PLCE1: variants seen among roughly 807,000 people sequenced by gnomAD.
PLCE1 encodes the protein phospholipase C epsilon 1.
Under a neutral mutation model 242.8 loss-of-function variants are expected in PLCE1, and 119 were observed. The observed-to-expected ratio is 0.49, with a 90% CI of 0.42 to 0.57. The LOEUF is 0.57. Ranked by LOEUF, PLCE1 falls within the 20% of genes least tolerant of loss-of-function variation. PLCE1 has a pLI of 0.00. For synonymous variants in PLCE1, 945 were observed against 1,017.4 expected, an observed-to-expected ratio of 0.93 and a Z score of 1.35; for missense variants, 2,441 against 2,788.8, an observed-to-expected ratio of 0.88 and a Z score of 2.81.
At chr10:94,233,022 C>A (rs1488131250) in intron 5 of PLCE1, among the ~76,000 whole-genome samples, 1 of 152,140 alleles carries the variant, frequency 6.6e-6, no homozygotes, top group East Asian at 1.9e-4. Flanking sequence ...TCCCACAATT[C>A]CCCCCAGAGA....
Position 94,308,602 on chromosome 10 carries a change from G to A in PLCE1, c.5906G>A (p.Arg1969Gln), listed in dbSNP as rs1323373118. 19 of 1,611,868 alleles carry A rather than the reference G, an allele frequency of 1.2e-5. No homozygotes were observed. The highest frequency in any genetic ancestry group is 5.5e-5 in the South Asian group (5 of 91,046). Residue 1969 changes from arginine (R) to glutamine (Q), a missense_variant, in exon 27 of 33, where the codon CGA becomes CAA. Around this residue, in one of 5 missense-constraint regions of PLCE1, gnomAD observed 1,004 missense variants for 1,322.7 expected, o/e 0.76. Transcript: ENST00000371380. ...LKRGYRHLQL[R>Q]NLHNEVLEIS... ...CCAGGATATCGACATCTTCAGCTGC[G>A]AAACCTTCACAATGAAGTCTTGGAG... is the stretch of plus-strand genomic sequence containing the variant.
intron 2 of PLCE1, among the ~76,000 whole-genome samples, chr10:94,101,666 T>C (rs1170969638): frequency 6.6e-6 from 1 of 152,152 alleles, no homozygotes; most frequent in Non-Finnish European, 1.5e-5. Context: ...CACAGGAAGA[T>C]GTGCCGGAGT....
intron 2 of PLCE1, among the ~76,000 whole-genome samples, chr10:94,065,184 G>C (rs1313801097): frequency 6.6e-6 from 1 of 152,088 alleles, no homozygotes; most frequent in Admixed American, 6.5e-5. Flanking sequence ...ACCCGTCCTG[G>C]ATTCTGGACC....
intron 2 of PLCE1, among the ~76,000 whole-genome samples, chr10:94,117,302 C>T (rs917064317): frequency 6.6e-6 from 1 of 152,124 alleles, no homozygotes; most frequent in Non-Finnish European, 1.5e-5. Flanking sequence ...GAAAAGGAAC[C>T]CCATCCAAAG....
At chr10:94,146,257 A>G (rs1232656432) in intron 3 of PLCE1, among the ~76,000 whole-genome samples, 1 of 152,174 alleles carries the variant, frequency 6.6e-6, no homozygotes, top group Non-Finnish European at 1.5e-5. Flanking sequence ...GCATGGGCCC[A>G]CTTAGTTTTC....
intron 2 of PLCE1, among the ~76,000 whole-genome samples, chr10:94,085,912 G>A (rs1291924474): frequency 6.6e-6 from 1 of 152,194 alleles, no homozygotes; most frequent in African/African-American, 2.4e-5. Flanking sequence ...ATGTCTAGAT[G>A]TGGCCAAATA....
chr10:94,287,916 C>T (rs535418577), intron 22 of PLCE1, among the ~76,000 whole-genome samples: 14 of 152,032 alleles, frequency 9.2e-5, no homozygotes, highest in East Asian at 5.8e-4. Context: ...CCCCTTGGCC[C>T]CATTCCAAAT....
chr10:94,089,246 C>T (rs748845105), intron 2 of PLCE1: 26 of 1,614,040 alleles, frequency 1.6e-5, no homozygotes, highest in Non-Finnish European at 2.2e-5. Context: ...GAGAGGGAAG[C>T]AGGCTGTCAG....
intron 2 of PLCE1, among the ~76,000 whole-genome samples, chr10:94,040,396 C>A (rs919505192): frequency 2.6e-5 from 4 of 152,130 alleles, no homozygotes; most frequent in Non-Finnish European, 5.9e-5. Context: ...AAACTCTGCA[C>A]CCCAGAGCAG....
chr10:94,312,575 C>T (rs975814312), intron 27 of PLCE1, among the ~76,000 whole-genome samples: 1 of 152,186 alleles, frequency 6.6e-6, no homozygotes, highest in Admixed American at 6.5e-5. Flanking sequence ...CCTGGTTTCT[C>T]CCTTACCTCT....
chr10:94,288,528 G>A (rs2052539613), intron 22 of PLCE1, among the ~76,000 whole-genome samples: 1 of 152,124 alleles, frequency 6.6e-6, no homozygotes, highest in African/African-American at 2.4e-5. Context: ...CCAGTCTCAG[G>A]CCTCTCTACC....
intron 4 of PLCE1, among the ~76,000 whole-genome samples, chr10:94,172,340 AT>A (rs1331290962): frequency 6.6e-6 from 1 of 152,166 alleles, no homozygotes; most frequent in East Asian, 1.9e-4. Context: ...TATGTTTTAG[AT>A]TTAATTTCTT....
chr10:94,231,884 G>A (rs559974547), intron 5 of PLCE1, among the ~76,000 whole-genome samples: 51 of 152,262 alleles, frequency 3.3e-4, no homozygotes, highest in African/African-American at 1.2e-3. Flanking sequence ...TTGCTTGCCC[G>A]CTGCTCATCT....
chr10:94,012,291 C>T (rs540547265), intron 1 of PLCE1, among the ~76,000 whole-genome samples: 11 of 151,838 alleles, frequency 7.2e-5, no homozygotes, highest in Non-Finnish European at 1.2e-4. Flanking sequence ...TTGTTTCAGA[C>T]ACATGCCTAT....
chr10:94,059,606 G>C (rs2043993729), intron 2 of PLCE1, among the ~76,000 whole-genome samples: 1 of 152,148 alleles, frequency 6.6e-6, no homozygotes, highest in Admixed American at 6.5e-5. Context: ...AATGGAGCTG[G>C]CCAGGCAAGC....
intron 2 of PLCE1, among the ~76,000 whole-genome samples, chr10:94,032,616 C>G (rs2061581575): frequency 6.6e-6 from 1 of 151,932 alleles, no homozygotes; most frequent in Admixed American, 6.6e-5. Context: ...GTCTCCAGAC[C>G]TAACAGAACT....
At chr10:94,314,904 C>G (rs1275094416) in intron 28 of PLCE1, 2 of 152,438 alleles carry the variant, frequency 1.3e-5, no homozygotes, top group Non-Finnish European at 2.9e-5. Flanking sequence ...CTATTACCAA[C>G]AGTTTGTTTT....
intron 1 of PLCE1, among the ~76,000 whole-genome samples, chr10:93,999,453 A>T (rs1277134254): frequency 6.6e-6 from 1 of 152,176 alleles, no homozygotes; most frequent in Non-Finnish European, 1.5e-5. Flanking sequence ...AAAGGCAGGC[A>T]TTTCTGGCTG....
chr10:94,089,380 A>G (rs1386659610), intron 2 of PLCE1: 1 of 1,582,250 alleles, frequency 6.3e-7, no homozygotes, highest in Non-Finnish European at 8.6e-7. Flanking sequence ...AGACCAGGTA[A>G]GGGTTCTTGT....
Sources: gnomAD v4.1 joint callset for allele counts (sites outside exome capture counted in the v4.1 genomes callset) on GRCh38, gnomAD v4.1.1 for gene constraint, gnomAD v4.1.1 regional missense constraint, MANE v1.5 for transcripts, NCBI Gene and HGNC (gene_info 2026-07-23, HGNC 2026-07-21) for gene names.